SMG6: variants seen among roughly 807,000 people sequenced by gnomAD.
The protein encoded by SMG6 is SMG6 nonsense mediated mRNA decay factor.
Under a neutral mutation model 142.2 loss-of-function variants are expected in SMG6, and 66 were observed. The observed-to-expected ratio is 0.46, with a 90% CI of 0.38 to 0.57. SMG6 has a LOEUF of 0.57. Among genes scored for constraint, SMG6 ranks in the 20% least tolerant of loss-of-function variants. SMG6 has a pLI of 0.00. For synonymous variants in SMG6, 779 were observed against 702.4 expected (o/e 1.11, Z -1.72); for missense variants, 1,793 against 1,832.0 (o/e 0.98, Z 0.39).
At chr17:2,277,172 ATTTTT>A (rs764360988) in intron 8 of SMG6, among the ~76,000 whole-genome samples, 861 of 50,270 alleles carry the variant, frequency 0.017, 9 homozygotes, top group African/African-American at 0.034. Flanking sequence ...TTTATTTTTT[ATTTTT>A]TTTTTTTTTG....
chr17:2,070,533 C>A (rs1344233781), intron 15 of SMG6, among the ~76,000 whole-genome samples: 1 of 152,172 alleles, frequency 6.6e-6, no homozygotes, highest in Non-Finnish European at 1.5e-5. Flanking sequence ...TGGCCACCAA[C>A]AGTCAGTGAG....
intron 10 of SMG6, among the ~76,000 whole-genome samples, chr17:2,207,935 G>T (rs1000757510): frequency 6.6e-6 from 1 of 152,064 alleles, no homozygotes; most frequent in African/African-American, 2.4e-5. Context: ...GACCTAACAG[G>T]TTTATTTATA....
intron 2 of SMG6, among the ~76,000 whole-genome samples, chr17:2,298,483 GC>G (rs1176798350): frequency 6.6e-6 from 1 of 152,154 alleles, no homozygotes; most frequent in Admixed American, 6.5e-5. Flanking sequence ...ACTTTGGGAG[GC>G]CGAGGCAGGC....
intron 10 of SMG6, among the ~76,000 whole-genome samples, chr17:2,222,549 CGGGGGGGGGGG>C (rs77237774): frequency 0.013 from 96 of 7,488 alleles, 29 homozygotes; most frequent in Non-Finnish European, 0.02. Flanking sequence ...AATGCGGGGG[CGGGGGGGGGGG>C]GGGGGGGCAG....
intron 13 of SMG6, among the ~76,000 whole-genome samples, chr17:2,166,094 C>G (rs2071330259): frequency 6.6e-6 from 1 of 152,128 alleles, no homozygotes; most frequent in Non-Finnish European, 1.5e-5. Flanking sequence ...TGCCTGAAAT[C>G]ACAGCTACTC....
At chr17:2,214,481 T>C (rs2072956981) in intron 10 of SMG6, 1 of 151,860 alleles carries the variant, frequency 6.6e-6, no homozygotes, top group African/African-American at 2.4e-5. Context: ...GTGCCCCGTA[T>C]CTCTTCCCAG....
intron 13 of SMG6, among the ~76,000 whole-genome samples, chr17:2,122,823 C>A (rs1300927828): frequency 6.6e-6 from 1 of 152,144 alleles, no homozygotes; most frequent in East Asian, 1.9e-4. Flanking sequence ...GGGCAGATAA[C>A]CTGGCAGACA....
At chr17:2,145,421 G>C (rs2070635229) in intron 13 of SMG6, among the ~76,000 whole-genome samples, 1 of 151,622 alleles carries the variant, frequency 6.6e-6, no homozygotes, top group South Asian at 2.1e-4. Context: ...CCAGCCTACA[G>C]GGAGCACTTT....
At chr17:2,144,053 T>G (rs2151581310) in intron 13 of SMG6, among the ~76,000 whole-genome samples, 1 of 39,406 alleles carries the variant, frequency 2.5e-5, no homozygotes, top group East Asian at 1.9e-3. Context: ...CGGCCGCTTT[T>G]TTTTTTTTTT....
chr17:2,121,174 AAC>A (rs771168322), intron 13 of SMG6, among the ~76,000 whole-genome samples: 2 of 152,210 alleles, frequency 1.3e-5, no homozygotes, highest in Non-Finnish European at 2.9e-5. Flanking sequence ...CTCAAGTGAA[AAC>A]ACATGTCCAA....
chr17:2,233,603 G>A (rs747722232), intron 10 of SMG6: 4 of 152,130 alleles, frequency 2.6e-5, no homozygotes, highest in East Asian at 1.9e-4. Flanking sequence ...AATGTGATTC[G>A]AACTGCTGCT....
intron 8 of SMG6, among the ~76,000 whole-genome samples, chr17:2,274,941 G>C (rs2074615373): frequency 6.7e-6 from 1 of 149,208 alleles, no homozygotes; most frequent in Non-Finnish European, 1.5e-5. Flanking sequence ...AGGCAACATA[G>C]CAAGACCTTA....
In SMG6 at chr17:2,235,064, G is replaced by C. The variant is rs72819560; in HGVS notation, c.2869+1428C>G. Among the ~76,000 whole-genome samples, 868 of 152,288 alleles carry C rather than the reference G, an allele frequency of 5.7e-3. 5 individuals carry two copies. The highest frequency in any genetic ancestry group is 8.5e-3 in the Non-Finnish European group (580 of 68,030). On this transcript the variant is annotated intron_variant, in intron 10 of 18. Transcript: ENST00000263073. ...CAGGAGGGCCCATTTCCAGAGTCAG[G>C]TGGGCTTCCTACTTGGTAGCAGACT... is the stretch of plus-strand genomic sequence containing the variant.
chr17:2,146,635 T>C (rs1002620980), intron 13 of SMG6, among the ~76,000 whole-genome samples: 6 of 152,180 alleles, frequency 3.9e-5, no homozygotes, highest in African/African-American at 4.8e-5. Flanking sequence ...CCACCTCCCA[T>C]GTTCAAGTGA....
In SMG6 at chr17:2,218,807, C is replaced by A. The variant is rs555941796; in HGVS notation, c.2869+17685G>T. ...CAGAATGCACAACACCGAGAGTGAACCCTAATGTAAACTACGAACTTTGGG... is the reference window on the plus strand; with the variant it reads ...CAGAATGCACAACACCGAGAGTGAAACCTAATGTAAACTACGAACTTTGGG... On this transcript the variant is annotated intron_variant, in intron 10 of 18. Transcript: ENST00000263073. Among the ~76,000 whole-genome samples, 39 of 152,114 alleles carry A rather than the reference C, an allele frequency of 2.6e-4. No individual in the cohort carries two copies. The South Asian group carries it at 7.9e-3, about 31-fold the overall frequency.
intron 13 of SMG6, among the ~76,000 whole-genome samples, chr17:2,103,171 T>C (rs537645331): frequency 1.3e-5 from 2 of 152,330 alleles, no homozygotes; most frequent in South Asian, 2.1e-4. Context: ...GATTACTCTC[T>C]TTCCATTCTT....
At chr17:2,210,798 T>C (rs1249825432) in intron 10 of SMG6, among the ~76,000 whole-genome samples, 2 of 147,478 alleles carry the variant, frequency 1.4e-5, no homozygotes, top group Non-Finnish European at 3.0e-5. Context: ...AGCTAAGAGC[T>C]AAGAAGAAAG....
rs117096476 is a variant in SMG6 at position 2,115,802 on chromosome 17, T to C, written c.3358-29901A>G. Reference sequence around the variant, plus strand: ...ACAGTGGCATGATCATAGTTTACTGTAGCCTCGAACTCCCGGGTCCAAGCA... The same window carrying C: ...ACAGTGGCATGATCATAGTTTACTGCAGCCTCGAACTCCCGGGTCCAAGCA... On this transcript the variant is annotated intron_variant, in intron 13 of 18. Coordinates refer to ENST00000263073, the MANE Select transcript of SMG6 (RefSeq NM_017575.5). Among the ~76,000 whole-genome samples, 130 of 152,162 alleles carry C rather than the reference T, an allele frequency of 8.5e-4. 1 individual carries two copies. In the East Asian group the frequency reaches 0.02, roughly 24 times the overall value.
intron 13 of SMG6, among the ~76,000 whole-genome samples, chr17:2,155,424 A>G (rs1172012751): frequency 1.3e-5 from 2 of 152,302 alleles, no homozygotes; most frequent in Admixed American, 6.5e-5. Flanking sequence ...TGTGAAAATA[A>G]AGTTTCTCTT....
Sources: gnomAD v4.1 joint callset for allele counts (sites outside exome capture counted in the v4.1 genomes callset) on GRCh38, gnomAD v4.1.1 for gene constraint, MANE v1.5 for transcripts, NCBI Gene and HGNC (gene_info 2026-07-23, HGNC 2026-07-21) for gene names.